The following SCHIP1 variants were observed in gnomAD, a reference collection of about 807,000 sequenced individuals.
SCHIP1 encodes schwannomin-interacting protein 1.
A neutral mutation model predicts 29.7 loss-of-function variants in SCHIP1; 8 were observed. The ratio of observed to expected loss-of-function variants is 0.27; its 90% CI spans 0.16 to 0.49. The LOEUF (loss-of-function observed/expected upper bound fraction) is 0.49, where lower values mean the gene tolerates loss of function less well. Ranked by LOEUF, SCHIP1 falls within the 20% of genes least tolerant of loss-of-function variation. The pLI is 0.99. For missense variants in SCHIP1, 193 were observed against 294.6 expected, an observed-to-expected ratio of 0.66 and a Z score of 2.52; for synonymous variants, 76 against 94.9, an observed-to-expected ratio of 0.80 and a Z score of 1.16.
chr3:159,887,803 G>A, exon 4 of SCHIP1: 1 of 1,614,046 alleles, frequency 6.2e-7, no homozygotes, highest in South Asian at 1.1e-5. Flanking sequence ...AAAAGAAATT[G>A]CAAGCTGAAG....
chr3:159,597,416 C>G, the SCHIP1 span, among the ~76,000 whole-genome samples: 1 of 152,074 alleles, frequency 6.6e-6, no homozygotes, highest in African/African-American at 2.4e-5. Flanking sequence ...CCCTTTAACT[C>G]ATTTCTATTC....
the SCHIP1 span, among the ~76,000 whole-genome samples, chr3:159,327,269 C>A: frequency 6.6e-6 from 1 of 152,118 alleles, no homozygotes; most frequent in Non-Finnish European, 1.5e-5. Context: ...TCCTCTTCCT[C>A]GTTGGTCAAA....
chr3:159,503,844 C>A, the SCHIP1 span, among the ~76,000 whole-genome samples: 2 of 152,080 alleles, frequency 1.3e-5, no homozygotes, highest in African/African-American at 4.8e-5. Flanking sequence ...ACTGAGTAAC[C>A]CTTAGGTGCC....
the SCHIP1 span, among the ~76,000 whole-genome samples, chr3:159,327,663 G>T: frequency 6.6e-6 from 1 of 152,158 alleles, no homozygotes; most frequent in Non-Finnish European, 1.5e-5. Context: ...AATGAATCAG[G>T]CTGATATTTT....
At chr3:159,377,376 T>C in the SCHIP1 span, among the ~76,000 whole-genome samples, 11 of 152,248 alleles carry the variant, frequency 7.2e-5, no homozygotes, top group African/African-American at 2.7e-4. Flanking sequence ...CTTTGGGTTC[T>C]ATAGGTTTAC....
At chr3:159,544,546 A>C in the SCHIP1 span, among the ~76,000 whole-genome samples, 1 of 152,048 alleles carries the variant, frequency 6.6e-6, no homozygotes, top group Admixed American at 6.6e-5. Flanking sequence ...TTTAAGTTTG[A>C]CCATTCTGGT....
chr3:159,563,358 T>C, the SCHIP1 span, among the ~76,000 whole-genome samples: 2 of 152,282 alleles, frequency 1.3e-5, no homozygotes, highest in East Asian at 3.9e-4. Flanking sequence ...TTATATACTT[T>C]ACTATTTTAA....
chr3:159,471,961 G>A, the SCHIP1 span, among the ~76,000 whole-genome samples: 1 of 152,072 alleles, frequency 6.6e-6, no homozygotes, highest in Non-Finnish European at 1.5e-5. Flanking sequence ...CATATATGCA[G>A]TATAAAAGTA....
intron 2 of SCHIP1, among the ~76,000 whole-genome samples, chr3:159,879,895 A>G (rs1716262932): frequency 6.6e-6 from 1 of 152,178 alleles, no homozygotes; most frequent in Admixed American, 6.5e-5. Flanking sequence ...TTAGTTGCCT[A>G]AGTCAGTGAG....
the SCHIP1 span, among the ~76,000 whole-genome samples, chr3:159,827,811 CAAAAAAA>C: frequency 1.3e-5 from 1 of 75,478 alleles, no homozygotes; most frequent in Admixed American, 1.6e-4. Flanking sequence ...GACTCCGTCT[CAAAAAAA>C]AAAAAAAAGA....
the SCHIP1 span, among the ~76,000 whole-genome samples, chr3:159,365,678 T>C: frequency 6.6e-6 from 1 of 152,112 alleles, no homozygotes; most frequent in Admixed American, 6.5e-5. Context: ...TGGTGCAGTT[T>C]GTCTGTCAGT....
chr3:159,319,808 C>A, the SCHIP1 span, among the ~76,000 whole-genome samples: 1 of 152,106 alleles, frequency 6.6e-6, no homozygotes, highest in African/African-American at 2.4e-5. Flanking sequence ...TTTTTATAAT[C>A]ATGGTTTACT....
At chr3:159,707,127 A>G in the SCHIP1 span, among the ~76,000 whole-genome samples, 1 of 152,176 alleles carries the variant, frequency 6.6e-6, no homozygotes, top group African/African-American at 2.4e-5. Flanking sequence ...GATAACTTTT[A>G]TTTGGGGTAT....
chr3:159,677,757 C>T, the SCHIP1 span, among the ~76,000 whole-genome samples: 1 of 152,308 alleles, frequency 6.6e-6, no homozygotes, highest in African/African-American at 2.4e-5. Context: ...GCAAGACCAG[C>T]TGAGCTGCCT....
At chr3:159,379,065 C>CTGAT in the SCHIP1 span, among the ~76,000 whole-genome samples, 1 of 152,258 alleles carries the variant, frequency 6.6e-6, no homozygotes, top group Admixed American at 6.5e-5. Flanking sequence ...GTGTTTGTCT[C>CTGAT]TGATAGCAGG....
At chr3:159,430,254 A>G in the SCHIP1 span, among the ~76,000 whole-genome samples, 1 of 152,190 alleles carries the variant, frequency 6.6e-6, no homozygotes, top group South Asian at 2.1e-4. Flanking sequence ...TTAACCACCA[A>G]TTAAATTTGG....
chr3:159,739,974 A>G, the SCHIP1 span, among the ~76,000 whole-genome samples: 1 of 152,206 alleles, frequency 6.6e-6, no homozygotes, highest in Non-Finnish European at 1.5e-5. Flanking sequence ...AAGCCTCACA[A>G]ATACTTTCCA....
At chr3:159,700,608 T>C in the SCHIP1 span, among the ~76,000 whole-genome samples, 473 of 151,960 alleles carry the variant, frequency 3.1e-3, 2 homozygotes, top group Non-Finnish European at 4.2e-3. Flanking sequence ...TCACCTAAGG[T>C]CAGGAGTTCG....
chr3:159,348,437 C>G, the SCHIP1 span, among the ~76,000 whole-genome samples: 5 of 152,066 alleles, frequency 3.3e-5, no homozygotes, highest in Non-Finnish European at 5.9e-5. Flanking sequence ...TGGCTCATTA[C>G]TTTACCAAAA....
Sources: gnomAD v4.1 joint callset for allele counts (sites outside exome capture counted in the v4.1 genomes callset) on GRCh38, gnomAD v4.1.1 for gene constraint, MANE v1.5 for transcripts, NCBI Gene and HGNC (gene_info 2026-07-23, HGNC 2026-07-21) for gene names.